HMCN1: variants seen among roughly 807,000 people sequenced by gnomAD.
HMCN1 encodes hemicentin-1.
A neutral mutation model predicts 625.9 loss-of-function variants in HMCN1; 321 were observed. The ratio of observed to expected loss-of-function variants is 0.51; its 90% CI spans 0.47 to 0.56. HMCN1 has a LOEUF of 0.56. Ranked by LOEUF, HMCN1 falls within the 20% of genes least tolerant of loss-of-function variation. The pLI is 0.00. For missense variants in HMCN1, 6,588 were observed against 6,887.3 expected, an observed-to-expected ratio of 0.96 and a Z score of 1.54; for synonymous variants, 2,425 against 2,417.6, an observed-to-expected ratio of 1.00 and a Z score of -0.09.
chr1:185,986,775 G>A (rs1057324064), intron 19 of HMCN1, among the ~76,000 whole-genome samples: 2 of 147,644 alleles, frequency 1.4e-5, no homozygotes, highest in Non-Finnish European at 3.0e-5. Context: ...GGAGGATTGC[G>A]TGAGCCTAGG....
At position 186,081,266 on chromosome 1, in the gene HMCN1, A is replaced by T. The variant is rs1659152095; in HGVS notation, c.8659A>T (p.Asn2887Tyr). 1 of 1,613,720 alleles carries T rather than the reference A, an allele frequency of 6.2e-7. No homozygotes were observed. Among genetic ancestry groups the T allele is most frequent in the South Asian group, 1.1e-5 (1 of 91,074 alleles). The change falls in exon 56 of 107, where the codon AAC (asparagine) becomes TAC (tyrosine). Residue 2887 changes from asparagine to tyrosine, a missense_variant. Coordinates refer to ENST00000271588, the MANE Select transcript of HMCN1 (RefSeq NM_031935.3). ...CCCTGAAGAGGTCACCGTGCTGGTG[A>T]ACAAGAGTGCACTGATAGAGTGTTT... ...DLPEEVTVLV[N>Y]KSALIECLSS...
intron 69 of HMCN1, 134 bp downstream of exon 69, chr1:186,103,802 TC>T: frequency 1.4e-6 from 1 of 706,354 alleles, no homozygotes; most frequent in Non-Finnish European, 2.4e-6. Context: ...GATGGATTAG[TC>T]CTATGATATG....
chr1:185,996,112 AAT>A, intron 24 of HMCN1, among the ~76,000 whole-genome samples: 1 of 152,276 alleles, frequency 6.6e-6, no homozygotes, highest in East Asian at 1.9e-4. Context: ...TAATTCATGA[AAT>A]AGTCTCATGA....
intron 11 of HMCN1, among the ~76,000 whole-genome samples, chr1:185,953,752 C>T (rs1261391958): frequency 2.6e-5 from 4 of 151,784 alleles, no homozygotes; most frequent in African/African-American, 9.7e-5. Flanking sequence ...ATCCGAGTCA[C>T]GGCACCAAAT....
chr1:185,879,581 G>A (rs1228318048), intron 4 of HMCN1, among the ~76,000 whole-genome samples: 1 of 151,944 alleles, frequency 6.6e-6, no homozygotes, highest in African/African-American at 2.4e-5. Flanking sequence ...ACATTGTTGA[G>A]GCCTACTTAC....
intron 1 of HMCN1, among the ~76,000 whole-genome samples, chr1:185,776,542 T>C (rs2102159534): frequency 6.6e-6 from 1 of 151,798 alleles, no homozygotes; most frequent in East Asian, 1.9e-4. Flanking sequence ...TCTTTTTTAG[T>C]AATTACATTC....
At chr1:185,815,621 G>C (rs992995644) in intron 1 of HMCN1, among the ~76,000 whole-genome samples, 3 of 149,690 alleles carry the variant, frequency 2.0e-5, no homozygotes, top group Non-Finnish European at 4.4e-5. Flanking sequence ...ATAAGACCAA[G>C]AGTTCTAGGT....
intron 5 of HMCN1, among the ~76,000 whole-genome samples, chr1:185,910,202 T>C (rs1666335502): frequency 6.6e-6 from 1 of 152,114 alleles, no homozygotes; most frequent in Non-Finnish European, 1.5e-5. Context: ...CATTTTTTTC[T>C]CTATATTTAT....
At chr1:185,774,578 A>G (rs1656470214) in intron 1 of HMCN1, among the ~76,000 whole-genome samples, 2 of 152,224 alleles carry the variant, frequency 1.3e-5, no homozygotes, top group East Asian at 3.9e-4. Flanking sequence ...TGAATTGCTG[A>G]GCTGTTGGAG....
At chr1:185,799,163 T>A (rs1658612945) in intron 1 of HMCN1, among the ~76,000 whole-genome samples, 1 of 152,210 alleles carries the variant, frequency 6.6e-6, no homozygotes, top group South Asian at 2.1e-4. Context: ...CTCAGTGTGG[T>A]CACTTTCTTC....
At chr1:185,873,356 T>A (rs944938241) in intron 4 of HMCN1, among the ~76,000 whole-genome samples, 18 of 152,112 alleles carry the variant, frequency 1.2e-4, no homozygotes, top group African/African-American at 4.1e-4. Flanking sequence ...TTGGTCTTTA[T>A]TTTTACTGGA....
intron 25 of HMCN1, among the ~76,000 whole-genome samples, chr1:185,999,605 T>C (rs1653039095): frequency 6.6e-6 from 1 of 152,110 alleles, no homozygotes; most frequent in Non-Finnish European, 1.5e-5. Flanking sequence ...ACATCGTGTC[T>C]CCATATCATA....
intron 16 of HMCN1, chr1:185,978,219 C>G: frequency 2.2e-6 from 1 of 449,578 alleles, no homozygotes; most frequent in South Asian, 2.8e-5. Context: ...AACAATATGA[C>G]TTCTTCATAT....
rs758190289 is a variant in HMCN1, at chr1:185,995,077, A to G, written c.3768A>G (p.Leu1256=). The change falls in exon 24 of 107, where the codon CTA becomes CTG. Residue 1256 remains leucine, a synonymous_variant. Transcript: ENST00000271588. ...GCACTGATGAAACAGAGATAACGCT[A>G]CATGTCCAAGGTGATTCTTGACACA... The part of the protein sequence containing the change: ...IAGTDETEIT[L]HVQEPPTVED... 1 of 1,613,662 alleles carries G rather than the reference A, an allele frequency of 6.2e-7. No homozygotes were observed. Among genetic ancestry groups the G allele is most frequent in the Non-Finnish European group, 8.5e-7 (1 of 1,179,654 alleles).
intron 36 of HMCN1, among the ~76,000 whole-genome samples, chr1:186,023,634 A>G (rs547999250): frequency 6.6e-6 from 1 of 152,306 alleles, no homozygotes; most frequent in South Asian, 2.1e-4. Context: ...AGTAAACTTG[A>G]AAGACTACAT....
At chr1:186,022,245 A>G (rs563734923) in intron 35 of HMCN1, among the ~76,000 whole-genome samples, 4 of 152,212 alleles carry the variant, frequency 2.6e-5, no homozygotes, top group African/African-American at 7.2e-5. Flanking sequence ...GATAAAAACT[A>G]TCAGACAGCT....
chr1:185,942,560 T>G (rs1668138209), intron 11 of HMCN1, among the ~76,000 whole-genome samples: 1 of 152,238 alleles, frequency 6.6e-6, no homozygotes, highest in African/African-American at 2.4e-5. Flanking sequence ...GTTCATATCA[T>G]ACTTAACTTC....
At chr1:186,178,311 A>G (rs1652723540) in intron 103 of HMCN1, 105 bp from the exon 104 acceptor site, 1 of 846,320 alleles carries the variant, frequency 1.2e-6, no homozygotes, top group Non-Finnish European at 2.0e-6. Context: ...TTTGGAGGGT[A>G]ACAATGTCTT....
chr1:186,050,952 AG>A (rs1402931456), intron 42 of HMCN1, among the ~76,000 whole-genome samples: 1 of 152,028 alleles, frequency 6.6e-6, no homozygotes, highest in East Asian at 1.9e-4. Flanking sequence ...TATGTAGAAA[AG>A]CATATGAGAC....
Sources: allele counts gnomAD v4.1 joint callset (sites outside exome capture counted in the v4.1 genomes callset), GRCh38; gene constraint gnomAD v4.1.1; transcripts MANE v1.5; gene names NCBI Gene and HGNC (gene_info 2026-07-23, HGNC 2026-07-21).